Variants in PALMD observed in about 807,000 individuals in gnomAD.
PALMD encodes paralemmin-like protein.
In PALMD, 42 loss-of-function variants were observed where a neutral mutation model predicts 56.2. That is an observed-to-expected ratio of 0.75 (90% CI 0.58 to 0.97). The LOEUF (loss-of-function observed/expected upper bound fraction) is 0.97. PALMD is among the 50% of genes least tolerant of loss of function. PALMD has a pLI of 0.00. For synonymous variants in PALMD, 242 were observed against 222.9 expected (o/e 1.09, Z -0.76); for missense variants, 660 against 643.8 (o/e 1.03, Z -0.27).
At chr1:99,675,592 A>G (rs1653182096) in intron 3 of PALMD, among the ~76,000 whole-genome samples, 1 of 152,168 alleles carries the variant, frequency 6.6e-6, no homozygotes, top group Non-Finnish European at 1.5e-5. Flanking sequence ...TTAAAAACAC[A>G]CACACCTAGT....
intron 1 of PALMD, among the ~76,000 whole-genome samples, chr1:99,652,681 AAAG>A (rs1571058415): frequency 2.0e-5 from 2 of 98,940 alleles, no homozygotes; most frequent in African/African-American, 8.9e-5. Flanking sequence ...AAAGGAAAGG[AAAG>A]GAAAGGAAAG....
At chr1:99,686,445 T>C in intron 3 of PALMD, 1 of 309,630 alleles carries the variant, frequency 3.2e-6, no homozygotes, top group Admixed American at 4.8e-5. Context: ...CCTAATATAT[T>C]CCTTTGTCAA....
chr1:99,648,593 A>G (rs1571056167), intron 1 of PALMD, among the ~76,000 whole-genome samples: 1 of 152,270 alleles, frequency 6.6e-6, no homozygotes, highest in East Asian at 1.9e-4. Flanking sequence ...GTATACTTCA[A>G]GAATGAAATC....
intron 3 of PALMD, among the ~76,000 whole-genome samples, chr1:99,674,288 A>G (rs1297195607): frequency 6.6e-6 from 1 of 152,036 alleles, no homozygotes; most frequent in Non-Finnish European, 1.5e-5. Context: ...GTAGATTGCA[A>G]TAAACTCTGA....
intron 1 of PALMD, among the ~76,000 whole-genome samples, chr1:99,654,854 G>A (rs1652684107): frequency 1.3e-5 from 2 of 152,164 alleles, no homozygotes; most frequent in African/African-American, 2.4e-5. Flanking sequence ...GGTGGAGAAT[G>A]TGGATAAATA....
At chr1:99,652,755 C>G (rs941841189) in intron 1 of PALMD, among the ~76,000 whole-genome samples, 3 of 138,140 alleles carry the variant, frequency 2.2e-5, no homozygotes, top group Non-Finnish European at 3.3e-5. Context: ...AAAACTTCCT[C>G]AGATTTCTAT....
intron 3 of PALMD, among the ~76,000 whole-genome samples, chr1:99,673,613 A>G (rs1653137842): frequency 6.6e-6 from 1 of 152,220 alleles, no homozygotes; most frequent in South Asian, 2.1e-4. Flanking sequence ...TTCACTCTCC[A>G]TATTTGACTA....
intron 2 of PALMD, among the ~76,000 whole-genome samples, chr1:99,665,483 C>A (rs760110287): frequency 6.6e-6 from 1 of 152,054 alleles, no homozygotes; most frequent in African/African-American, 2.4e-5. Flanking sequence ...GAGTTCTCCA[C>A]GAGGCATAAA....
intron 1 of PALMD, among the ~76,000 whole-genome samples, chr1:99,657,070 A>ATG (rs764620753): frequency 1.6e-4 from 24 of 152,310 alleles, no homozygotes; most frequent in Non-Finnish European, 2.6e-4. Flanking sequence ...TACCCATTAA[A>ATG]TGTAGGTGCT....
rs1653587333 is a variant in PALMD at position 99,688,857 on chromosome 1, A to G, written c.597A>G (p.Ser199=). The part of the protein sequence containing the change: ...STVLSSIPLP[S]DDFKGTGIKV... ...TTCTGTCTTCAATACCTCTGCCATC[A>G]GATGACTTTAAAGGTACAGGAATAA... Residue 199 remains serine, a synonymous_variant, in exon 7 of 8, where the codon TCA becomes TCG. Transcript: ENST00000263174. The G allele has an allele frequency of 1.9e-6, 3 of 1,613,016 alleles. No individual in the cohort carries two copies. The Admixed American group carries it at 5.0e-5, about 27-fold the overall frequency.
intron 2 of PALMD, among the ~76,000 whole-genome samples, chr1:99,666,494 A>G (rs1261112530): frequency 6.6e-6 from 1 of 152,060 alleles, no homozygotes; most frequent in Admixed American, 6.6e-5. Context: ...CATCCTTAAA[A>G]AAACACACCC....
chr1:99,667,647 G>A lies in PALMD; in HGVS notation c.132G>A (p.Lys44=). The part of the protein sequence containing the change: ...DKLKHQHLKK[K]ALREKWLLDG... ...TTTATGTTTCCTGACATCAGAAAAAGGCCTTGAGGGAGAAATGGCTTCTAG... is the reference window on the plus strand; with the variant it reads ...TTTATGTTTCCTGACATCAGAAAAAAGCCTTGAGGGAGAAATGGCTTCTAG... The change falls in exon 3 of 8, where the codon AAG becomes AAA. Residue 44 remains lysine (K), a synonymous_variant. Transcript: ENST00000263174. 6.2e-7 allele frequency: 1 copy of A among 1,612,948 alleles called. No homozygotes were observed. Among genetic ancestry groups the A allele is most frequent in the African/African-American group, 1.3e-5 (1 of 74,928 alleles).
At chr1:99,680,590 A>G (rs1224158922) in intron 3 of PALMD, among the ~76,000 whole-genome samples, 1 of 152,104 alleles carries the variant, frequency 6.6e-6, no homozygotes, top group Non-Finnish European at 1.5e-5. Flanking sequence ...AAGGAGCTCA[A>G]TTCCCATTCT....
intron 1 of PALMD, among the ~76,000 whole-genome samples, chr1:99,649,865 TAAG>T (rs1652526762): frequency 6.6e-6 from 1 of 151,950 alleles, no homozygotes. Context: ...AAAAAGAGAG[TAAG>T]AAGAAAGCTG....
At chr1:99,671,638 A>C (rs1462160423) in intron 3 of PALMD, among the ~76,000 whole-genome samples, 1 of 152,170 alleles carries the variant, frequency 6.6e-6, no homozygotes, top group Non-Finnish European at 1.5e-5. Flanking sequence ...ATACCAACCA[A>C]TGAGGATTCT....
intron 3 of PALMD, chr1:99,685,051 A>C (rs1653455494): frequency 6.6e-6 from 1 of 152,260 alleles, no homozygotes; most frequent in African/African-American, 2.4e-5. Context: ...TGAAAAAAGA[A>C]AGACATACAG....
intron 7 of PALMD, among the ~76,000 whole-genome samples, chr1:99,693,703 C>G (rs897859550): frequency 2.0e-5 from 3 of 152,134 alleles, no homozygotes; most frequent in Non-Finnish European, 4.4e-5. Context: ...AGTCATCAAC[C>G]TATAGGAATC....
chr1:99,646,772 T>A (rs1652453347), intron 1 of PALMD, among the ~76,000 whole-genome samples: 2 of 152,182 alleles, frequency 1.3e-5, no homozygotes, highest in South Asian at 4.1e-4. Context: ...GAATTTTTTT[T>A]AAAGAGAGAA....
chr1:99,674,999 C>A (rs7527792), intron 3 of PALMD, among the ~76,000 whole-genome samples: 3 of 152,200 alleles, frequency 2.0e-5, no homozygotes, highest in Non-Finnish European at 2.9e-5. Flanking sequence ...CACCCCCTTG[C>A]GATGCATCTT....
Sources: gnomAD v4.1 joint callset for allele counts (sites outside exome capture counted in the v4.1 genomes callset) on GRCh38, gnomAD v4.1.1 for gene constraint, MANE v1.5 for transcripts, NCBI Gene and HGNC (gene_info 2026-07-23, HGNC 2026-07-21) for gene names.